The following NDUFA5 variants were observed in gnomAD, a reference collection of about 807,000 sequenced individuals.
The protein encoded by NDUFA5 is NADH dehydrogenase [ubiquinone] 1 alpha subcomplex subunit 5.
Under a neutral mutation model 19.8 loss-of-function variants are expected in NDUFA5, and 11 were observed. The observed-to-expected ratio is 0.56, with a 90% confidence interval of 0.35 to 0.92. The LOEUF (loss-of-function observed/expected upper bound fraction) is 0.92. Among genes scored for constraint, NDUFA5 ranks in the 40% least tolerant of loss-of-function variants. NDUFA5 has a pLI of 0.01. For synonymous variants in NDUFA5, 47 were observed against 46.8 expected, an observed-to-expected ratio of 1.00 and a Z score of -0.01; for missense variants, 109 against 134.2, an observed-to-expected ratio of 0.81 and a Z score of 0.93.
the NDUFA5 span, among the ~76,000 whole-genome samples, chr7:123,600,617 G>A: frequency 1.3e-5 from 2 of 152,130 alleles, no homozygotes; most frequent in African/African-American, 4.8e-5. Context: ...GACAATGTAT[G>A]CAATGATCTA....
At position 123,540,890 on chromosome 7, in the gene NDUFA5, G is replaced by GCGCGCGCACACACACACACACACACACA. The variant is rs766305834; in HGVS notation, c.*1228_*1229insTGTGTGTGTGTGTGTGTGTGTGCGCGCG. 3.0e-5 allele frequency: 4 copies of GCGCGCGCACACACACACACACACACACA among 133,830 alleles called. No homozygotes were observed. Among genetic ancestry groups the GCGCGCGCACACACACACACACACACACA allele is most frequent in the East Asian group, 4.4e-4 (2 of 4,536 alleles). The allele number at this position is 133,830 out of a possible 1,614,324, so 8.3% of individuals were successfully genotyped here. A position where few individuals can be genotyped will look rare whatever the true frequency, so the allele number is the denominator to read the frequency against. On this transcript the variant is annotated 3_prime_UTR_variant, in exon 5 of 5. Transcript: ENST00000355749. ...TCTGAGCAAATGTGCGCATGCGCGT[G>GCGCGCGCACACACACACACACACACACA]CACACACACACACACACACACACAC...
chr7:123,587,642 C>T, the NDUFA5 span, among the ~76,000 whole-genome samples: 3 of 151,702 alleles, frequency 2.0e-5, no homozygotes, highest in Non-Finnish European at 3.0e-5. Context: ...GAAAAGCTTT[C>T]AGCTTTTCAC....
intron 4 of NDUFA5, among the ~76,000 whole-genome samples, chr7:123,545,181 T>C (rs1798084982): frequency 1.3e-5 from 2 of 152,136 alleles, no homozygotes; most frequent in Non-Finnish European, 1.5e-5. Context: ...GCAATTGTTT[T>C]TTAACTTGCT....
the NDUFA5 span, among the ~76,000 whole-genome samples, chr7:123,593,000 A>G: frequency 6.6e-6 from 1 of 152,024 alleles, no homozygotes; most frequent in South Asian, 2.1e-4. Context: ...CTTCCTGTTG[A>G]ATTGATCCCT....
chr7:123,591,019 C>T, the NDUFA5 span, among the ~76,000 whole-genome samples: 3 of 152,044 alleles, frequency 2.0e-5, no homozygotes, highest in Non-Finnish European at 2.9e-5. Context: ...CTTCACGTCC[C>T]CTGTAAGGTG....
intron 2 of NDUFA5, among the ~76,000 whole-genome samples, chr7:123,552,172 T>C (rs1584698280): frequency 6.7e-6 from 1 of 148,182 alleles, no homozygotes; most frequent in East Asian, 1.9e-4. Context: ...CAACCTTTTT[T>C]TTCAATTAAA....
At chr7:123,547,919 C>T (rs1294408473) in intron 3 of NDUFA5, among the ~76,000 whole-genome samples, 1 of 151,948 alleles carries the variant, frequency 6.6e-6, no homozygotes, top group Non-Finnish European at 1.5e-5. Context: ...TCGGTTCTAA[C>T]AAAAAGTGTT....
At chr7:123,567,488 T>C in the NDUFA5 span, among the ~76,000 whole-genome samples, 2 of 152,212 alleles carry the variant, frequency 1.3e-5, no homozygotes, top group East Asian at 1.9e-4. Flanking sequence ...AATTAAGTGT[T>C]GGAAGAGTTA....
At chr7:123,592,798 C>T in the NDUFA5 span, among the ~76,000 whole-genome samples, 30 of 147,910 alleles carry the variant, frequency 2.0e-4, no homozygotes, top group East Asian at 1.2e-3. Flanking sequence ...ATGTGCATTA[C>T]GTCTGAATTC....
the NDUFA5 span, among the ~76,000 whole-genome samples, chr7:123,567,471 T>A: frequency 1.3e-5 from 2 of 152,208 alleles, no homozygotes; most frequent in Non-Finnish European, 2.9e-5. Context: ...AGCTCTTGTT[T>A]ATCCAAAATT....
At chr7:123,547,475 C>CT (rs1462005301) in intron 3 of NDUFA5, among the ~76,000 whole-genome samples, 1 of 151,934 alleles carries the variant, frequency 6.6e-6, no homozygotes, top group Admixed American at 6.6e-5. Flanking sequence ...TTTGTGCCAA[C>CT]TAGGCACAAG....
chr7:123,555,530 G>A (rs925960109), intron 2 of NDUFA5: 1 of 152,200 alleles, frequency 6.6e-6, no homozygotes, highest in Non-Finnish European at 1.5e-5. Context: ...AGCCTAGGGA[G>A]TAGAAAGATC....
the NDUFA5 span, among the ~76,000 whole-genome samples, chr7:123,580,460 T>C: frequency 3.3e-5 from 5 of 152,000 alleles, no homozygotes; most frequent in Non-Finnish European, 7.4e-5. Context: ...TCAGGGTAGT[T>C]ATGTGGCCTT....
At chr7:123,580,866 A>C in the NDUFA5 span, among the ~76,000 whole-genome samples, 1 of 152,070 alleles carries the variant, frequency 6.6e-6, no homozygotes, top group African/African-American at 2.4e-5. Flanking sequence ...CACTAAAAAA[A>C]CGCAGTGTTG....
the NDUFA5 span, among the ~76,000 whole-genome samples, chr7:123,575,036 C>G: frequency 1.4e-5 from 2 of 145,944 alleles, no homozygotes; most frequent in African/African-American, 2.5e-5. Flanking sequence ...GGCTTACTTG[C>G]ATTTAATATG....
the NDUFA5 span, among the ~76,000 whole-genome samples, chr7:123,585,825 C>T: frequency 1.3e-5 from 2 of 151,738 alleles, no homozygotes; most frequent in African/African-American, 4.8e-5. Context: ...AGATATCATG[C>T]AGTATTTGTC....
At chr7:123,597,724 G>A in the NDUFA5 span, among the ~76,000 whole-genome samples, 37 of 152,156 alleles carry the variant, frequency 2.4e-4, no homozygotes, top group South Asian at 2.3e-3. Flanking sequence ...CTAGCTACGC[G>A]GGAGGCTGAG....
At chr7:123,554,337 C>T (rs1370660597) in intron 2 of NDUFA5, among the ~76,000 whole-genome samples, 1 of 152,028 alleles carries the variant, frequency 6.6e-6, no homozygotes, top group Non-Finnish European at 1.5e-5. Flanking sequence ...ATATGGCTTA[C>T]ATTTAAGGCT....
At chr7:123,576,191 A>G in the NDUFA5 span, among the ~76,000 whole-genome samples, 3 of 149,508 alleles carry the variant, frequency 2.0e-5, no homozygotes, top group Non-Finnish European at 3.0e-5. Context: ...GTAATCCTTC[A>G]AATTTGATTT....
Sources: gnomAD v4.1 joint callset for allele counts (sites outside exome capture counted in the v4.1 genomes callset) on GRCh38, gnomAD v4.1.1 for gene constraint, MANE v1.5 for transcripts, NCBI Gene and HGNC (gene_info 2026-07-23, HGNC 2026-07-21) for gene names.